JAKMIP2: variants seen among roughly 807,000 people sequenced by gnomAD.
The protein encoded by JAKMIP2 is janus kinase and microtubule interacting protein 2.
In JAKMIP2, 25 loss-of-function variants were observed where a neutral mutation model predicts 115.0. The ratio of observed to expected loss-of-function variants is 0.22; its 90% CI spans 0.16 to 0.30. The LOEUF (loss-of-function observed/expected upper bound fraction) is 0.30, where lower values mean the gene tolerates loss of function less well. JAKMIP2 is among the 10% of genes least tolerant of loss of function. The probability of loss-of-function intolerance (pLI) is 1.00; values close to 1 mark genes in which losing one functional copy is unlikely to be tolerated. For missense variants in JAKMIP2, 642 were observed against 957.6 expected, an observed-to-expected ratio of 0.67 and a Z score of 4.35; for synonymous variants, 334 against 343.6, an observed-to-expected ratio of 0.97 and a Z score of 0.31.
At chr5:147,747,056 A>G (rs1754371928) in intron 1 of JAKMIP2, among the ~76,000 whole-genome samples, 1 of 152,158 alleles carries the variant, frequency 6.6e-6, no homozygotes, top group South Asian at 2.1e-4. Context: ...GTAAGCTCGA[A>G]TGTCTTTCAC....
At chr5:147,748,788 A>T (rs1754447456) in intron 1 of JAKMIP2, among the ~76,000 whole-genome samples, 1 of 152,208 alleles carries the variant, frequency 6.6e-6, no homozygotes, top group Admixed American at 6.5e-5. Context: ...TGCAAATAGC[A>T]CACTTGGTCT....
At chr5:147,648,550 TA>T (rs2126740501) in intron 4 of JAKMIP2, 76 bp from the exon 5 acceptor site, 1 of 793,686 alleles carries the variant, frequency 1.3e-6, no homozygotes, top group African/African-American at 1.7e-5. Context: ...TTATTATTCA[TA>T]AAAGTAATAG....
Position 147,661,233 on chromosome 5 carries a change from G to A in JAKMIP2, c.342C>T (p.Leu114=), listed in dbSNP as rs1379834776. The change falls in exon 3 of 22, where the codon CTC becomes CTT. Residue 114 remains leucine, a synonymous_variant. Transcript: ENST00000616793. The stretch of plus-strand genomic sequence containing the variant: ...CGCGGAGAGCACAGAGAGCAGACTT[G>A]AGCCTCTGGATCTCTCCATCACGTA... ...VKVRDGEIQR[L]KSALCALRDG... is the part of the protein sequence containing the mutation. 1.2e-6 allele frequency: 2 copies of A among 1,613,836 alleles called. No individual in the cohort carries two copies. Among genetic ancestry groups the A allele is most frequent in the African/African-American group, 1.3e-5 (1 of 74,858 alleles).
chr5:147,639,534 C>G, intron 10 of JAKMIP2, 98 bp downstream of exon 10: 1 of 1,376,080 alleles, frequency 7.3e-7, no homozygotes, highest in South Asian at 1.6e-5. Context: ...GAGAAGAATA[C>G]AGGGAAAGCT....
At chr5:147,637,590 C>T (rs754643429) in intron 10 of JAKMIP2, among the ~76,000 whole-genome samples, 15 of 151,954 alleles carry the variant, frequency 9.9e-5, no homozygotes, top group Non-Finnish European at 1.6e-4. Flanking sequence ...CAGGCACCGG[C>T]CACCACGCCC....
chr5:147,691,280 A>G (rs922486727), intron 1 of JAKMIP2, among the ~76,000 whole-genome samples: 6 of 152,088 alleles, frequency 3.9e-5, no homozygotes, highest in Non-Finnish European at 5.9e-5. Flanking sequence ...ATGAAATGTT[A>G]TTGTTACTAT....
intron 1 of JAKMIP2, among the ~76,000 whole-genome samples, chr5:147,721,705 G>A (rs972148285): frequency 1.1e-4 from 17 of 152,124 alleles, no homozygotes; most frequent in Non-Finnish European, 1.5e-4. Flanking sequence ...TCCCTGCTTC[G>A]GCTCGCGCAC....
chr5:147,617,794 CT>C, intron 19 of JAKMIP2, 116 bp downstream of exon 19: 1 of 715,642 alleles, frequency 1.4e-6, no homozygotes. Flanking sequence ...ATTTTACTCT[CT>C]GAAAATAACT....
intron 5 of JAKMIP2, among the ~76,000 whole-genome samples, chr5:147,646,591 G>A (rs77006109): frequency 0.013 from 1,948 of 151,756 alleles, 47 homozygotes; most frequent in African/African-American, 0.045. Flanking sequence ...AACACAGAAA[G>A]GTTGGAAAAA....
intron 1 of JAKMIP2, among the ~76,000 whole-genome samples, chr5:147,727,101 TCTC>T (rs1753550030): frequency 6.6e-6 from 1 of 152,214 alleles, no homozygotes; most frequent in Non-Finnish European, 1.5e-5. Flanking sequence ...TTGATTCTCT[TCTC>T]CTCCATGAAC....
intron 1 of JAKMIP2, among the ~76,000 whole-genome samples, chr5:147,726,763 T>G (rs1753535683): frequency 6.6e-6 from 1 of 152,222 alleles, no homozygotes; most frequent in South Asian, 2.1e-4. Flanking sequence ...TGAAGTTTCC[T>G]TCTCGTCTTG....
At chr5:147,739,324 T>C (rs1204552222) in intron 1 of JAKMIP2, among the ~76,000 whole-genome samples, 1 of 152,068 alleles carries the variant, frequency 6.6e-6, no homozygotes, top group African/African-American at 2.4e-5. Flanking sequence ...GGTCAAAGAA[T>C]ATGTGAGATT....
chr5:147,765,879 A>G (rs1237488034), intron 1 of JAKMIP2, among the ~76,000 whole-genome samples: 1 of 152,128 alleles, frequency 6.6e-6, no homozygotes, highest in Non-Finnish European at 1.5e-5. Flanking sequence ...TATTCTAAAC[A>G]TCTTTGAGTT....
At chr5:147,748,843 A>G (rs1487521170) in intron 1 of JAKMIP2, among the ~76,000 whole-genome samples, 2 of 152,130 alleles carry the variant, frequency 1.3e-5, no homozygotes, top group Non-Finnish European at 2.9e-5. Flanking sequence ...CACCTCCCCA[A>G]GCTCATCCAT....
Position 147,770,276 on chromosome 5 carries a change from A to G in JAKMIP2, c.-149+12180T>C, listed in dbSNP as rs767241047. Among the ~76,000 whole-genome samples the G allele has an allele frequency of 2.0e-5, 3 of 152,234 alleles. No individual in the cohort carries two copies. The South Asian group carries it at 6.2e-4, about 32-fold the overall frequency. On this transcript the variant is annotated intron_variant, in intron 1 of 21. Transcript: ENST00000616793. ...ATATATATGTGATCCATATATCTGT[A>G]TATTTGACTATCTACAGTGACTCCA... is the stretch of plus-strand genomic sequence containing the variant.
intron 20 of JAKMIP2, among the ~76,000 whole-genome samples, chr5:147,609,173 A>G (rs1054838335): frequency 1.3e-5 from 2 of 152,218 alleles, no homozygotes; most frequent in African/African-American, 4.8e-5. Context: ...TAGCCCATTT[A>G]CATTTAAGGC....
In JAKMIP2 at chr5:147,648,609, T is replaced by C. The variant is rs1185080403; in HGVS notation, c.838-135A>G. On this transcript the variant is annotated intron_variant, in intron 4 of 21. Transcript: ENST00000616793. ...CTGAAGTGAGAATAAAATATTCTTTTATCCAAAGAGTAAATATTTACCCTT... is the reference window on the plus strand; with the variant it reads ...CTGAAGTGAGAATAAAATATTCTTTCATCCAAAGAGTAAATATTTACCCTT... The C allele has an allele frequency of 4.9e-6, 3 of 609,070 alleles. No homozygotes were observed. The African/African-American group carries it at 5.6e-5, about 11-fold the overall frequency. The allele number at this position is 609,070 out of a possible 1,614,324, so 37.7% of individuals were successfully genotyped here.
chr5:147,690,584 T>TATACAC (rs1491521047), intron 1 of JAKMIP2, among the ~76,000 whole-genome samples: 4 of 98,354 alleles, frequency 4.1e-5, no homozygotes, highest in African/African-American at 1.3e-4. Flanking sequence ...TATATATATA[T>TATACAC]GCACATATGC....
At chr5:147,751,074 C>CTT (rs60288356) in intron 1 of JAKMIP2, among the ~76,000 whole-genome samples, 1 of 143,248 alleles carries the variant, frequency 7.0e-6, no homozygotes, top group Non-Finnish European at 1.5e-5. Context: ...GTCAGAATGA[C>CTT]TTTTTTTTTT....
Sources: allele counts gnomAD v4.1 joint callset (sites outside exome capture counted in the v4.1 genomes callset), GRCh38; gene constraint gnomAD v4.1.1; transcripts MANE v1.5; gene names NCBI Gene and HGNC (gene_info 2026-07-23, HGNC 2026-07-21).